NWD1: variants seen among roughly 807,000 people sequenced by gnomAD.
NWD1 encodes the protein NACHT domain- and WD repeat-containing protein 1.
NWD1 carries 129 observed loss-of-function variants against 135.1 expected under a neutral mutation model. The ratio of observed to expected loss-of-function variants is 0.96; its 90% CI spans 0.83 to 1.11. NWD1 has a LOEUF of 1.11. NWD1 is among the 50% of genes least tolerant of loss of function. The pLI is 0.00. For missense variants in NWD1, 1,740 were observed against 1,851.3 expected (o/e 0.94, Z 1.10); for synonymous variants, 773 against 786.0 (o/e 0.98, Z 0.28).
At chr19:16,787,765 C>A (rs1349422023) in intron 12 of NWD1, among the ~76,000 whole-genome samples, 2 of 150,456 alleles carry the variant, frequency 1.3e-5, no homozygotes, top group African/African-American at 4.9e-5. Context: ...GAAGCTGAGG[C>A]ATGAGAATTG....
At chr19:16,749,007 C>T (rs1968436364) in intron 5 of NWD1, 132 bp from the exon 6 acceptor site, 1 of 683,374 alleles carries the variant, frequency 1.5e-6, no homozygotes, top group African/African-American at 1.8e-5. Flanking sequence ...ACCCCCAGGT[C>T]AGACTCTGGT....
chr19:16,797,646 C>A, intron 15 of NWD1, 86 bp from the exon 16 acceptor site: 2 of 1,279,928 alleles, frequency 1.6e-6, no homozygotes, highest in Non-Finnish European at 2.2e-6. Flanking sequence ...CCACATCCGG[C>A]CTCCAAAACA....
Position 16,759,397 on chromosome 19 carries a change from G to T in NWD1, c.1942G>T (p.Asp648Tyr), listed in dbSNP as rs1968925295. The T allele has an allele frequency of 6.3e-7, 1 of 1,584,512 alleles. No homozygotes were observed. The highest frequency in any genetic ancestry group is 1.3e-5 in the African/African-American group (1 of 74,304). The change falls in exon 7 of 19, where the codon GAT becomes TAT. Residue 648 changes from aspartate to tyrosine, a missense_variant. Transcript: ENST00000524140. ...ATACTACTTGGCCCGGCGGCCCGTG[G>T]ATGGCTTCACCCTCCTGGCCATTGC... is the stretch of plus-strand genomic sequence containing the variant. ...LGYYLARRPV[D>Y]GFTLLAIAHR...
At chr19:16,799,850 A>C (rs2123099004) in intron 16 of NWD1, 36 bp from the exon 17 acceptor site, 2 of 1,549,900 alleles carry the variant, frequency 1.3e-6, no homozygotes, top group African/African-American at 2.7e-5. Flanking sequence ...TGTCCACAGA[A>C]GATGTCAGAT....
At chr19:16,742,626 G>A (rs549310537) in intron 4 of NWD1, among the ~76,000 whole-genome samples, 7 of 151,922 alleles carry the variant, frequency 4.6e-5, no homozygotes, top group African/African-American at 1.4e-4. Flanking sequence ...GAACTAGAAT[G>A]GAGAACCACC....
chr19:16,781,675 G>A (rs1969858063), intron 12 of NWD1, among the ~76,000 whole-genome samples: 1 of 151,884 alleles, frequency 6.6e-6, no homozygotes, highest in South Asian at 2.1e-4. Context: ...TATTGTTTGA[G>A]GGCAAGGGTT....
At chr19:16,779,489 G>C in intron 12 of NWD1, 24 bp downstream of exon 12, 2 of 1,609,172 alleles carry the variant, frequency 1.2e-6, no homozygotes, top group Non-Finnish European at 1.7e-6. Context: ...AGTGGGCTTT[G>C]TGGTCAGCTT....
chr19:16,781,357 G>C (rs1057165327), intron 12 of NWD1, among the ~76,000 whole-genome samples: 5 of 151,942 alleles, frequency 3.3e-5, no homozygotes, highest in Admixed American at 1.3e-4. Flanking sequence ...GGGCGTGGTG[G>C]CTTATCCCAG....
intron 6 of NWD1, among the ~76,000 whole-genome samples, chr19:16,750,910 AG>A (rs142741429): frequency 0.051 from 7,735 of 152,252 alleles, 245 homozygotes; most frequent in African/African-American, 0.097. Context: ...GCCTAGTAAA[AG>A]TCTCGGAGCT....
chr19:16,761,649 C>A (rs564386374), intron 7 of NWD1, among the ~76,000 whole-genome samples: 1 of 152,270 alleles, frequency 6.6e-6, no homozygotes, highest in African/African-American at 2.4e-5. Context: ...AGGCATGAGC[C>A]ACTGCACCCA....
In NWD1 at chr19:16,758,165, TCAGAAA is replaced by T. The variant is rs1474030003; in HGVS notation, c.1770-1058_1770-1053del. Among the ~76,000 whole-genome samples the T allele has an allele frequency of 2.0e-5, 3 of 152,330 alleles. No individual in the cohort carries two copies. In the East Asian group the frequency reaches 5.8e-4, roughly 29 times the overall value. On this transcript the variant is annotated intron_variant, in intron 6 of 18. Coordinates refer to ENST00000524140, the MANE Select transcript of NWD1 (RefSeq NM_001007525.5). Reference sequence around the variant, plus strand: ...ACACTTGAAAGGTGCTTCACACAACTCAGAAACTGAATTTAAAACTTTGAAAGATGG... The same window carrying T: ...ACACTTGAAAGGTGCTTCACACAACTCTGAATTTAAAACTTTGAAAGATGG...
chr19:16,762,922 T>A (rs1428862031), intron 8 of NWD1, among the ~76,000 whole-genome samples: 1 of 152,014 alleles, frequency 6.6e-6, no homozygotes, highest in Non-Finnish European at 1.5e-5. Context: ...TACCTGGGAC[T>A]ACAGGTGTGT....
chr19:16,730,544 T>C (rs1312330817), intron 2 of NWD1, among the ~76,000 whole-genome samples: 1 of 151,474 alleles, frequency 6.6e-6, no homozygotes, highest in African/African-American at 2.4e-5. Flanking sequence ...TGAGACTCCT[T>C]CTCTACAAAA....
In NWD1 at chr19:16,807,722, A is replaced by G; in HGVS notation, c.3873A>G (p.Ile1291Met). Residue 1291 changes from isoleucine (I) to methionine (M), a missense_variant, in exon 18 of 19, where the codon ATA becomes ATG. Coordinates refer to ENST00000524140, the MANE Select transcript of NWD1 (RefSeq NM_001007525.5). ...VFPLNSRQDV[I>M]CIPPPEARKA... ...CCCTGAATTCCAGGCAGGACGTGAT[A>G]TGCATTCCCCCTCCCGAGGCCCGGA... 1 of 1,613,608 alleles carries G rather than the reference A, an allele frequency of 6.2e-7. No homozygotes were observed. Among genetic ancestry groups the G allele is most frequent in the Non-Finnish European group, 8.5e-7 (1 of 1,179,814 alleles).
At chr19:16,812,182 C>T (rs188649094) in intron 18 of NWD1, among the ~76,000 whole-genome samples, 7 of 151,870 alleles carry the variant, frequency 4.6e-5, no homozygotes, top group Non-Finnish European at 5.9e-5. Flanking sequence ...GTGGCACACA[C>T]TTGTAATCCC....
Position 16,749,603 on chromosome 19 carries a change from C to T in NWD1, c.961C>T (p.Arg321Trp), listed in dbSNP as rs576950895. ...CTGCGGACGCCAGGAACTCCTGGCC[C>T]GGCTTGGGCAGCAGCTCAGGCACGA... ...TFCGRQELLA[R>W]LGQQLRHDDS... is the part of the protein sequence containing the mutation. Residue 321 changes from arginine (R) to tryptophan (W), a missense_variant, in exon 6 of 19, where the codon CGG becomes TGG. Coordinates refer to ENST00000524140, the MANE Select transcript of NWD1 (RefSeq NM_001007525.5). 3.6e-5 allele frequency: 58 copies of T among 1,612,704 alleles called. No homozygotes were observed. The highest frequency in any genetic ancestry group is 3.0e-4 in the Admixed American group (18 of 60,000).
chr19:16,752,358 A>G (rs1056557461), intron 6 of NWD1, among the ~76,000 whole-genome samples: 2 of 152,142 alleles, frequency 1.3e-5, no homozygotes, highest in African/African-American at 4.8e-5. Flanking sequence ...ATGCTAGTGT[A>G]GGAAATAAGA....
intron 11 of NWD1, among the ~76,000 whole-genome samples, chr19:16,778,503 T>C (rs1046724838): frequency 2.7e-4 from 38 of 141,076 alleles, no homozygotes; most frequent in African/African-American, 1.1e-3. Flanking sequence ...TCTTTTTTTT[T>C]TTTTTGTTGT....
chr19:16,805,552 G>A (rs948892149), intron 17 of NWD1, among the ~76,000 whole-genome samples: 50 of 151,952 alleles, frequency 3.3e-4, no homozygotes, highest in Non-Finnish European at 6.3e-4. Flanking sequence ...GACTGGTCTT[G>A]AACTCCTGGT....
Sources: gnomAD v4.1 joint callset for allele counts (sites outside exome capture counted in the v4.1 genomes callset) on GRCh38, gnomAD v4.1.1 for gene constraint, MANE v1.5 for transcripts, NCBI Gene and HGNC (gene_info 2026-07-23, HGNC 2026-07-21) for gene names.